The following ZNF292 variants were observed in gnomAD, a reference collection of about 807,000 sequenced individuals.
The protein encoded by ZNF292 is 16 zinc-finger domain protein.
Under a neutral mutation model 217.9 loss-of-function variants are expected in ZNF292, and 26 were observed. The observed-to-expected ratio is 0.12, with a 90% CI of 0.09 to 0.17. The LOEUF is 0.17. Among genes scored for constraint, ZNF292 ranks in the 10% least tolerant of loss-of-function variants. The pLI is 1.00. For missense variants in ZNF292, 2,904 were observed against 3,175.2 expected (o/e 0.91, Z 2.05); for synonymous variants, 1,257 against 1,124.1 (o/e 1.12, Z -2.37).
In ZNF292 at chr6:87,256,488, G is replaced by T. The variant is rs1213553520; in HGVS notation, c.2859G>T (p.Lys953Asn). ...LNQGIEDNFG[K>N]QENSTVEGSG... ...AGGGGATTGAGGATAACTTTGGAAA[G>T]CAAGAAAACTCAACTGTGGAAGGCA... The change falls in exon 8 of 8, where the codon AAG becomes AAT. Residue 953 changes from lysine to asparagine, a missense_variant. By Grantham distance (94) the Lys-to-Asn change is moderately conservative. Around this residue, in one of 15 missense-constraint regions of ZNF292, gnomAD observed 687 missense variants for 623.0 expected, o/e 1.10. Coordinates refer to ENST00000369577, the MANE Select transcript of ZNF292 (RefSeq NM_015021.3). 2 of 1,610,986 alleles carry T rather than the reference G, an allele frequency of 1.2e-6. No homozygotes were observed. The highest frequency in any genetic ancestry group is 4.5e-5 in the East Asian group (2 of 44,888).
chr6:87,242,881 A>G (rs975162981), intron 5 of ZNF292, among the ~76,000 whole-genome samples: 9 of 152,232 alleles, frequency 5.9e-5, no homozygotes, highest in Admixed American at 2.0e-4. Flanking sequence ...ACTGTTGGCA[A>G]GCTTTGAGAT....
chr6:87,171,431 C>CATAT (rs752167335), intron 1 of ZNF292, among the ~76,000 whole-genome samples: 22 of 151,554 alleles, frequency 1.5e-4, no homozygotes, highest in Non-Finnish European at 2.9e-4. Flanking sequence ...TCTGTTCTTA[C>CATAT]ATATAGACTA....
chr6:87,172,915 AT>A lies in ZNF292; in HGVS notation c.168+17165del, dbSNP rs1554194892. Among the ~76,000 whole-genome samples the A allele has an allele frequency of 6.6e-4, 97 of 146,230 alleles. No homozygotes were observed. The Middle Eastern group carries it at 0.011, about 16-fold the overall frequency. On this transcript the variant is annotated intron_variant, in intron 1 of 7. Transcript: ENST00000369577. ...AGACTCTGTCTCAAAAAAAAAAAAA[AT>A]TTTTTTTTAATTAAAAAATGAAATG...
chr6:87,157,296 C>T (rs1770574653), intron 1 of ZNF292, among the ~76,000 whole-genome samples: 1 of 152,108 alleles, frequency 6.6e-6, no homozygotes, highest in Non-Finnish European at 1.5e-5. Flanking sequence ...AGTCTCATTC[C>T]TTTGAATTTT....
chr6:87,211,833 A>G (rs921917223), intron 1 of ZNF292, among the ~76,000 whole-genome samples: 1 of 152,146 alleles, frequency 6.6e-6, no homozygotes, highest in Non-Finnish European at 1.5e-5. Flanking sequence ...TTTCCCCTCT[A>G]TGCCATCTCC....
At chr6:87,217,328 T>C (rs868355369) in intron 3 of ZNF292, among the ~76,000 whole-genome samples, 15 of 152,100 alleles carry the variant, frequency 9.9e-5, no homozygotes, top group African/African-American at 3.4e-4. Flanking sequence ...TTTAACGTCA[T>C]AGGATTCTGC....
At chr6:87,253,417 T>A (rs905295357) in intron 7 of ZNF292, among the ~76,000 whole-genome samples, 2 of 151,808 alleles carry the variant, frequency 1.3e-5, no homozygotes, top group Non-Finnish European at 2.9e-5. Context: ...TTTATAGAGA[T>A]GGGGGTTTCC....
intron 1 of ZNF292, among the ~76,000 whole-genome samples, chr6:87,202,497 T>A (rs747947594): frequency 1.3e-5 from 2 of 152,224 alleles, no homozygotes; most frequent in Non-Finnish European, 2.9e-5. Context: ...TGCTTTTATT[T>A]CTTTTTCAGA....
At chr6:87,199,706 C>G (rs1772054123) in intron 1 of ZNF292, among the ~76,000 whole-genome samples, 1 of 152,164 alleles carries the variant, frequency 6.6e-6, no homozygotes, top group African/African-American at 2.4e-5. Flanking sequence ...GGATCACATG[C>G]CCTCTGGTTC....
intron 1 of ZNF292, among the ~76,000 whole-genome samples, chr6:87,173,191 G>T (rs752066009): frequency 1.3e-5 from 1 of 79,748 alleles, no homozygotes. Context: ...TTTATTGTCA[G>T]TTTTGTAATT....
At chr6:87,204,425 A>G (rs1243688745) in intron 1 of ZNF292, among the ~76,000 whole-genome samples, 3 of 152,204 alleles carry the variant, frequency 2.0e-5, no homozygotes, top group Non-Finnish European at 4.4e-5. Context: ...GTTGGCCACT[A>G]ACTACCAAAT....
In ZNF292 at chr6:87,172,915, A is replaced by T. The variant is rs112096646; in HGVS notation, c.168+17156A>T. On this transcript the variant is annotated intron_variant, in intron 1 of 7. Transcript: ENST00000369577. ...AGACTCTGTCTCAAAAAAAAAAAAAATTTTTTTTTAATTAAAAAATGAAAT... is the reference window on the plus strand; with the variant it reads ...AGACTCTGTCTCAAAAAAAAAAAAATTTTTTTTTTAATTAAAAAATGAAAT... Among the ~76,000 whole-genome samples, 432 of 146,226 alleles carry T rather than the reference A, an allele frequency of 3.0e-3. 2 individuals carry two copies. Among genetic ancestry groups the T allele is most frequent in the Non-Finnish European group, 4.9e-3 (328 of 66,672 alleles).
At position 87,257,047 on chromosome 6, in the gene ZNF292, C is replaced by G; in HGVS notation, c.3418C>G (p.Gln1140Glu). 6 of 1,613,804 alleles carry G rather than the reference C, an allele frequency of 3.7e-6. No individual in the cohort carries two copies. In the South Asian group the frequency reaches 5.5e-5, roughly 15 times the overall value. The change falls in exon 8 of 8, where the codon CAG becomes GAG. Residue 1140 changes from glutamine (Q) to glutamate (E), a missense_variant. This residue lies in a region of ZNF292 where 687 missense variants were observed against 623.0 expected (regional missense o/e 1.10). Transcript: ENST00000369577. ...FKMQRKSKKG[Q>E]KANNLNTPNN... Reference sequence around the variant, plus strand: ...AATGCAGCGCAAAAGTAAAAAAGGTCAGAAAGCTAACAACTTAAATACACC... The same window carrying G: ...AATGCAGCGCAAAAGTAAAAAAGGTGAGAAAGCTAACAACTTAAATACACC...
In ZNF292 at chr6:87,227,918, G is replaced by A. The variant is rs186995944; in HGVS notation, c.539-5407G>A. Among the ~76,000 whole-genome samples, 310 of 152,254 alleles carry A rather than the reference G, an allele frequency of 2.0e-3. 3 individuals carry two copies. Among genetic ancestry groups the A allele is most frequent in the Non-Finnish European group, 2.5e-3 (170 of 68,010 alleles). On this transcript the variant is annotated intron_variant, in intron 4 of 7. Coordinates refer to ENST00000369577, the MANE Select transcript of ZNF292 (RefSeq NM_015021.3). ...CTACTATAAACATGGGCATACAAAC[G>A]CTTCTTCAAGAGCCTGCTTTCAGTT...
intron 7 of ZNF292, among the ~76,000 whole-genome samples, chr6:87,250,550 G>C (rs1774872748): frequency 6.6e-6 from 1 of 152,180 alleles, no homozygotes; most frequent in Admixed American, 6.5e-5. Flanking sequence ...GTAATATGTA[G>C]CCATTGTATT....
rs749046999 is a variant in ZNF292, at chr6:87,256,517, G to A, written c.2888G>A (p.Gly963Asp). ...GAAAACTCAACTGTGGAAGGCAGTGGTGAAGCACTGGTCACAGACTTACAT... is the reference window on the plus strand; with the variant it reads ...GAAAACTCAACTGTGGAAGGCAGTGATGAAGCACTGGTCACAGACTTACAT... Reference protein sequence around the residue: ...KQENSTVEGSGEALVTDLHTP... With the variant: ...KQENSTVEGSDEALVTDLHTP... The change falls in exon 8 of 8, where the codon GGT (glycine) becomes GAT (aspartate). Residue 963 changes from glycine to aspartate, a missense_variant. Physicochemically the swap from Gly to Asp is moderately conservative, Grantham distance 94. Transcript: ENST00000369577. 36 of 1,612,850 alleles carry A rather than the reference G, an allele frequency of 2.2e-5. No homozygotes were observed. The highest frequency in any genetic ancestry group is 1.7e-4 in the Middle Eastern group (1 of 6,060).
chr6:87,261,661 A>C lies in ZNF292; in HGVS notation c.8032A>C (p.Thr2678Pro). The C allele has an allele frequency of 1.2e-6, 2 of 1,612,710 alleles. No homozygotes were observed. The highest frequency in any genetic ancestry group is 1.7e-6 in the Non-Finnish European group (2 of 1,179,254). ...TTTAGACAAGAATCTTAAAGATTGC[A>C]CTGAGCTTGTCTTAAAGCAACTTCA... ...IVLDKNLKDC[T>P]ELVLKQLQEM... Residue 2678 changes from threonine to proline, a missense_variant, in exon 8 of 8, where the codon ACT (threonine) becomes CCT (proline). Coordinates refer to ENST00000369577, the MANE Select transcript of ZNF292 (RefSeq NM_015021.3).
At chr6:87,158,079 TTTCA>T (rs1477611848) in intron 1 of ZNF292, among the ~76,000 whole-genome samples, 1 of 152,204 alleles carries the variant, frequency 6.6e-6, no homozygotes, top group Non-Finnish European at 1.5e-5. Context: ...CCTATATCAG[TTTCA>T]TTAAGTGATT....
chr6:87,198,570 T>C (rs889330800), intron 1 of ZNF292, among the ~76,000 whole-genome samples: 1 of 152,190 alleles, frequency 6.6e-6, no homozygotes, highest in Admixed American at 6.5e-5. Flanking sequence ...TGCTTTGTAG[T>C]TGGGAAATGG....
Sources: allele counts gnomAD v4.1 joint callset (sites outside exome capture counted in the v4.1 genomes callset), GRCh38; gene constraint gnomAD v4.1.1; regional missense constraint gnomAD v4.1.1; transcripts MANE v1.5; gene names NCBI Gene and HGNC (gene_info 2026-07-23, HGNC 2026-07-21).